The following RALYL variants were observed in gnomAD, a reference collection of about 807,000 sequenced individuals.
The protein encoded by RALYL is RNA-binding Raly-like protein.
Under a neutral mutation model 35.1 loss-of-function variants are expected in RALYL, and 29 were observed. The ratio of observed to expected loss-of-function variants is 0.83; its 90% CI spans 0.61 to 1.13. The LOEUF is 1.13. Ranked by LOEUF, RALYL falls within the 50% of genes most tolerant of loss-of-function variation. RALYL has a pLI of 0.00. For synonymous variants in RALYL, 120 were observed against 127.6 expected (o/e 0.94, Z 0.40); for missense variants, 359 against 360.4 (o/e 1.00, Z 0.03).
At chr8:84,268,569 CA>C (rs1175256543) in intron 1 of RALYL, among the ~76,000 whole-genome samples, 2 of 152,116 alleles carry the variant, frequency 1.3e-5, no homozygotes, top group African/African-American at 2.4e-5. Context: ...TTCACCAAAA[CA>C]CAGAAATACC....
intron 1 of RALYL, among the ~76,000 whole-genome samples, chr8:84,278,152 A>C (rs1438827001): frequency 2.6e-5 from 4 of 152,236 alleles, no homozygotes; most frequent in African/African-American, 7.2e-5. Context: ...TCTGAAATCT[A>C]GGCAGAGGTT....
intron 1 of RALYL, among the ~76,000 whole-genome samples, chr8:84,227,922 G>T (rs1229419825): frequency 6.6e-6 from 1 of 151,992 alleles, no homozygotes; most frequent in East Asian, 1.9e-4. Flanking sequence ...ACTACTTTGT[G>T]TCTACCATCA....
intron 1 of RALYL, among the ~76,000 whole-genome samples, chr8:84,445,258 A>T (rs1220468851): frequency 6.6e-6 from 1 of 152,056 alleles, no homozygotes; most frequent in Non-Finnish European, 1.5e-5. Context: ...AGTGACATAA[A>T]ATGTATGTAT....
rs1311992305 is a variant in RALYL at position 84,617,590 on chromosome 8, C to A, written c.256+88013C>A. On this transcript the variant is annotated intron_variant, in intron 2 of 8. Transcript: ENST00000521268. ...CTAATTGAATACCCTTTATTTCCTT[C>A]TCCTGCCTAATTGCCCTGGCCAGAA... 6.2e-4 allele frequency among the ~76,000 whole-genome samples: 93 copies of A among 149,210 alleles called. 1 individual carries two copies. The highest frequency in any genetic ancestry group is 2.3e-3 in the African/African-American group (91 of 39,670).
intron 2 of RALYL, among the ~76,000 whole-genome samples, chr8:84,749,815 T>C (rs1187434046): frequency 1.3e-5 from 2 of 152,168 alleles, no homozygotes; most frequent in Admixed American, 6.5e-5. Flanking sequence ...GTGAGCTGAA[T>C]TCAATTCTGT....
chr8:84,556,849 A>G (rs1029411019), intron 2 of RALYL, among the ~76,000 whole-genome samples: 2 of 152,158 alleles, frequency 1.3e-5, no homozygotes, highest in South Asian at 2.1e-4. Flanking sequence ...AGATCTGAAC[A>G]CCGACCACAC....
intron 1 of RALYL, among the ~76,000 whole-genome samples, chr8:84,224,302 T>C (rs1042713643): frequency 3.9e-5 from 6 of 152,198 alleles, no homozygotes; most frequent in Admixed American, 1.3e-4. Context: ...AACCCCAGGT[T>C]CATTCTCAAA....
intron 2 of RALYL, among the ~76,000 whole-genome samples, chr8:84,662,274 A>T (rs564939621): frequency 7.9e-4 from 120 of 152,234 alleles, no homozygotes; most frequent in Middle Eastern, 3.4e-3. Flanking sequence ...CTTGCTTCTG[A>T]AAACTTCCCT....
At chr8:84,753,860 G>A (rs892118103) in intron 2 of RALYL, among the ~76,000 whole-genome samples, 2 of 152,098 alleles carry the variant, frequency 1.3e-5, no homozygotes, top group African/African-American at 2.4e-5. Context: ...ATCTCATAGT[G>A]GTTTTGATTT....
chr8:84,566,431 C>A (rs1031105533), intron 2 of RALYL, among the ~76,000 whole-genome samples: 1 of 151,492 alleles, frequency 6.6e-6, no homozygotes, highest in Non-Finnish European at 1.5e-5. Context: ...CAAGCTACAA[C>A]AAAGCCAAGG....
intron 1 of RALYL, among the ~76,000 whole-genome samples, chr8:84,310,670 A>G (rs1282116389): frequency 6.6e-6 from 1 of 152,208 alleles, no homozygotes; most frequent in African/African-American, 2.4e-5. Context: ...AGGAGAAAAC[A>G]TAGTTATCTG....
intron 8 of RALYL, among the ~76,000 whole-genome samples, chr8:84,919,107 G>C (rs1848927087): frequency 6.6e-6 from 1 of 151,964 alleles, no homozygotes; most frequent in Non-Finnish European, 1.5e-5. Flanking sequence ...CAACTGCCAT[G>C]ACTTAACCTG....
chr8:84,300,367 G>A (rs1840538527), intron 1 of RALYL, among the ~76,000 whole-genome samples: 1 of 151,502 alleles, frequency 6.6e-6, no homozygotes, highest in African/African-American at 2.4e-5. Flanking sequence ...CTGATTATGT[G>A]GTTTTTAGAG....
chr8:84,246,442 T>G (rs1829113214), intron 1 of RALYL, among the ~76,000 whole-genome samples: 1 of 152,090 alleles, frequency 6.6e-6, no homozygotes, highest in South Asian at 2.1e-4. Context: ...GACAACCAAA[T>G]TAGATTGAAA....
intron 1 of RALYL, among the ~76,000 whole-genome samples, chr8:84,514,976 A>T (rs2057941058): frequency 6.6e-6 from 1 of 152,192 alleles, no homozygotes; most frequent in South Asian, 2.1e-4. Context: ...ACTACAAATA[A>T]TGCCTGCTGA....
At chr8:84,569,221 T>G (rs929428283) in intron 2 of RALYL, among the ~76,000 whole-genome samples, 7 of 152,060 alleles carry the variant, frequency 4.6e-5, no homozygotes, top group Admixed American at 4.6e-4. Flanking sequence ...AATTAATTTT[T>G]GTATAAGGTG....
chr8:84,724,756 T>C (rs1442090167), intron 2 of RALYL, among the ~76,000 whole-genome samples: 1 of 151,818 alleles, frequency 6.6e-6, no homozygotes, highest in African/African-American at 2.4e-5. Flanking sequence ...GTTTAAGATT[T>C]TGTAGGCAAA....
intron 2 of RALYL, among the ~76,000 whole-genome samples, chr8:84,709,017 C>A (rs1180014996): frequency 2.0e-5 from 3 of 152,054 alleles, no homozygotes; most frequent in Non-Finnish European, 4.4e-5. Context: ...CTAATAATAT[C>A]TTTGGGTGAG....
At chr8:84,605,635 A>T (rs73294071) in intron 2 of RALYL, among the ~76,000 whole-genome samples, 3,037 of 152,172 alleles carry the variant, frequency 0.02, 119 homozygotes, top group African/African-American at 0.07. Context: ...CATTGTGTAC[A>T]TTGGGTCTAT....
Sources: gnomAD v4.1 joint callset for allele counts (sites outside exome capture counted in the v4.1 genomes callset) on GRCh38, gnomAD v4.1.1 for gene constraint, MANE v1.5 for transcripts, NCBI Gene and HGNC (gene_info 2026-07-23, HGNC 2026-07-21) for gene names.